SLC9D1: variants seen among roughly 807,000 people sequenced by gnomAD.
SLC9D1 encodes solute carrier family 9 member D1, also known as putative LAG1-interacting protein.
chr13:113,522,353 T>C, the SLC9D1 span, among the ~76,000 whole-genome samples: 863 of 152,344 alleles, frequency 5.7e-3, 11 homozygotes, highest in African/African-American at 0.02. Flanking sequence ...GTTGTTGTTG[T>C]TGTTTGAGAC....
chr13:113,535,601 C>A, the SLC9D1 span, among the ~76,000 whole-genome samples: 2 of 152,120 alleles, frequency 1.3e-5, no homozygotes, highest in Non-Finnish European at 2.9e-5. This position sits in a 1 kb window ranked among gnomAD's most constrained non-coding sequence, Gnocchi z 4.1. Flanking sequence ...ATGTCCATAC[C>A]ACGGAACGCC....
chr13:113,507,160 C>G, the SLC9D1 span, among the ~76,000 whole-genome samples: 1 of 152,068 alleles, frequency 6.6e-6, no homozygotes, highest in Non-Finnish European at 1.5e-5. Flanking sequence ...GTCCCAACTC[C>G]TCTCACCCGT....
the SLC9D1 span, among the ~76,000 whole-genome samples, chr13:113,502,683 G>A: frequency 2.0e-5 from 3 of 152,340 alleles, no homozygotes; most frequent in Admixed American, 6.5e-5. Context: ...CTCACGGTGC[G>A]AGCAGCGTGG....
chr13:113,530,981 G>T, the SLC9D1 span, among the ~76,000 whole-genome samples: 4 of 152,188 alleles, frequency 2.6e-5, no homozygotes, highest in Non-Finnish European at 5.9e-5. Context: ...GCCCAGGTTG[G>T]GAAGTGGGGT....
At chr13:113,525,888 C>T in the SLC9D1 span, among the ~76,000 whole-genome samples, 2 of 151,410 alleles carry the variant, frequency 1.3e-5, no homozygotes, top group East Asian at 1.9e-4. Flanking sequence ...AGCTCTGTGC[C>T]GGTTATTCTA....
At chr13:113,539,262 G>T in the SLC9D1 span, 1 of 1,186,256 alleles carries the variant, frequency 8.4e-7, no homozygotes, top group South Asian at 1.4e-5. The surrounding 1 kb of genome is among the most constrained non-coding windows in gnomAD (Gnocchi z 4.8). Flanking sequence ...GTGTTTTGTC[G>T]TGGTGGCTCT....
the SLC9D1 span, among the ~76,000 whole-genome samples, chr13:113,540,162 CTG>C: frequency 5.9e-5 from 9 of 152,308 alleles, no homozygotes; most frequent in East Asian, 9.6e-4. Context: ...TGGGCCGATT[CTG>C]TGTCTTTGCT....
the SLC9D1 span, chr13:113,503,754 A>T: frequency 1.7e-6 from 1 of 581,612 alleles, no homozygotes; most frequent in Non-Finnish European, 3.0e-6. Flanking sequence ...GAAAGATAAA[A>T]AATATCAGGT....
At chr13:113,513,764 A>G in the SLC9D1 span, among the ~76,000 whole-genome samples, 1 of 152,240 alleles carries the variant, frequency 6.6e-6, no homozygotes, top group African/African-American at 2.4e-5. Flanking sequence ...TTATAAACTC[A>G]TAGCTGTTCC....
At chr13:113,544,800 C>A in the SLC9D1 span, among the ~76,000 whole-genome samples, 1 of 152,242 alleles carries the variant, frequency 6.6e-6, no homozygotes, top group African/African-American at 2.4e-5. Flanking sequence ...CTCCCGCAGA[C>A]CCTGTCTCCA....
At chr13:113,525,069 T>C in the SLC9D1 span, among the ~76,000 whole-genome samples, 1 of 152,228 alleles carries the variant, frequency 6.6e-6, no homozygotes, top group African/African-American at 2.4e-5. Flanking sequence ...AGTGGACACA[T>C]GTAACTTATC....
chr13:113,498,438 G>C, the SLC9D1 span: 2 of 1,588,638 alleles, frequency 1.3e-6, no homozygotes, highest in Admixed American at 3.9e-5. Context: ...ATCCATGCTT[G>C]ACGAGATTCT....
chr13:113,495,612 G>A, the SLC9D1 span: 2 of 1,552,748 alleles, frequency 1.3e-6, no homozygotes, highest in Middle Eastern at 1.8e-4. Flanking sequence ...CTTCTTCTGG[G>A]TGCTGTTTCC....
chr13:113,521,069 G>T, the SLC9D1 span, among the ~76,000 whole-genome samples: 1 of 152,154 alleles, frequency 6.6e-6, no homozygotes, highest in African/African-American at 2.4e-5. Flanking sequence ...TGATGTGGAG[G>T]GAGGGGGGTG....
the SLC9D1 span, chr13:113,534,510 C>T: frequency 5.8e-5 from 28 of 483,090 alleles, no homozygotes; most frequent in South Asian, 3.3e-4. Flanking sequence ...ATCCGTGGGC[C>T]GGGTATAGTG....
the SLC9D1 span, among the ~76,000 whole-genome samples, chr13:113,497,927 T>C: frequency 6.6e-6 from 1 of 152,260 alleles, no homozygotes; most frequent in Non-Finnish European, 1.5e-5. Flanking sequence ...TGGAACAGCT[T>C]TCCCTTGTAA....
chr13:113,518,124 A>G, the SLC9D1 span, among the ~76,000 whole-genome samples: 1 of 152,384 alleles, frequency 6.6e-6, no homozygotes, highest in East Asian at 1.9e-4. Context: ...TGCAGATTTC[A>G]GAAAGATGAC....
At chr13:113,496,004 C>T in the SLC9D1 span, 4 of 1,611,176 alleles carry the variant, frequency 2.5e-6, no homozygotes, top group Non-Finnish European at 3.4e-6. Context: ...GCCTGGAGGC[C>T]CTGAGAGAGG....
At chr13:113,503,344 A>ATT in the SLC9D1 span, 3 of 402,900 alleles carry the variant, frequency 7.4e-6, no homozygotes, top group South Asian at 3.5e-5. Context: ...ACACTGTGTG[A>ATT]TTGTGTGTGT....
Sources: gnomAD v4.1 joint callset for allele counts (sites outside exome capture counted in the v4.1 genomes callset) on GRCh38, gnomAD v4.1.1 for gene constraint, Gnocchi (gnomAD v3.1) non-coding constraint, MANE v1.5 for transcripts, NCBI Gene and HGNC (gene_info 2026-07-23, HGNC 2026-07-21) for gene names.